Variants in ZC3H12B observed in about 807,000 individuals in gnomAD.
ZC3H12B encodes the protein probable ribonuclease ZC3H12B.
Under a neutral mutation model 43.9 loss-of-function variants are expected in ZC3H12B, and 7 were observed. The ratio of observed to expected loss-of-function variants is 0.16; its 90% CI spans 0.09 to 0.30. The LOEUF (loss-of-function observed/expected upper bound fraction) is 0.30, where lower values mean the gene tolerates loss of function less well. ZC3H12B is among the 10% of genes least tolerant of loss of function. The pLI is 1.00. For missense variants in ZC3H12B, 475 were observed against 670.2 expected (o/e 0.71, Z 3.22); for synonymous variants, 222 against 241.7 (o/e 0.92, Z 0.76).
At chrX:65,154,243 TA>T in the ZC3H12B span, among the ~76,000 whole-genome samples, 3 of 111,469 alleles carry the variant, frequency 2.7e-5, no homozygotes, top group Non-Finnish European at 5.7e-5. Context: ...TAATAAAATT[TA>T]AAAAAATAAA....
chrX:65,453,395 T>TATAA (rs1556223501), intron 3 of ZC3H12B, among the ~76,000 whole-genome samples: 15 of 86,708 alleles, frequency 1.7e-4, no homozygotes, highest in Non-Finnish European at 3.3e-4. Flanking sequence ...TATATATATA[T>TATAA]ATATATATAA....
the ZC3H12B span, among the ~76,000 whole-genome samples, chrX:65,335,177 A>C: frequency 1.4e-4 from 16 of 112,125 alleles, no homozygotes; most frequent in Admixed American, 1.5e-3. Context: ...AGATTTTGAG[A>C]AGGAGCTATC....
chrX:65,239,400 C>CTT, the ZC3H12B span, among the ~76,000 whole-genome samples: 3 of 103,821 alleles, frequency 2.9e-5, no homozygotes, highest in Admixed American at 3.1e-4. Flanking sequence ...AACACCTGCT[C>CTT]TTTTTTTTTT....
the ZC3H12B span, among the ~76,000 whole-genome samples, chrX:65,151,480 G>C: frequency 8.9e-6 from 1 of 111,767 alleles, no homozygotes; most frequent in African/African-American, 3.2e-5. Flanking sequence ...CTAATAGCAA[G>C]AAATAAGTTT....
the ZC3H12B span, among the ~76,000 whole-genome samples, chrX:65,230,024 C>T: frequency 9.0e-6 from 1 of 111,339 alleles, no homozygotes; most frequent in Admixed American, 9.5e-5. Flanking sequence ...ACCCAGCCAT[C>T]CCATTACTGG....
Position 65,501,839 on chromosome X carries a change from GCCAA to G in ZC3H12B, c.1148_1151del (p.Gln383ProfsTer18). On this transcript the variant is annotated frameshift_variant, in exon 5 of 5. Transcript: ENST00000338957. LOFTEE classifies it high-confidence loss of function. ...GTGCAAATACTACCATCCGGAGCGG[GCCAA>G]CCAACCCCAGCGTTCGGTGGCTGAT... The G allele has an allele frequency of 8.3e-7, 1 of 1,198,407 alleles. No individual in the cohort carries two copies. The highest frequency in any genetic ancestry group is 1.1e-6 in the Non-Finnish European group (1 of 888,414).
At chrX:65,072,027 A>G in the ZC3H12B span, among the ~76,000 whole-genome samples, 1 of 112,018 alleles carries the variant, frequency 8.9e-6, no homozygotes, top group East Asian at 2.8e-4. Flanking sequence ...GTTCTCATGG[A>G]TGATATCTTG....
intron 3 of ZC3H12B, among the ~76,000 whole-genome samples, chrX:65,467,182 T>C (rs1382316763): frequency 1.9e-5 from 2 of 106,863 alleles, no homozygotes; most frequent in Non-Finnish European, 3.9e-5. Context: ...CTCCCACTTA[T>C]AAGTGAGAAG....
intron 3 of ZC3H12B, among the ~76,000 whole-genome samples, chrX:65,418,120 C>T (rs2066981049): frequency 1.8e-5 from 2 of 111,416 alleles, no homozygotes; most frequent in African/African-American, 6.5e-5. Context: ...TATTTTAATA[C>T]AAAGAAGCTA....
chrX:65,378,098 C>CA (rs61203206), intron 2 of ZC3H12B, among the ~76,000 whole-genome samples: 125 of 94,626 alleles, frequency 1.3e-3, no homozygotes, highest in African/African-American at 2.9e-3. Flanking sequence ...GACTCCATCT[C>CA]AAAAAAAAAA....
chrX:65,150,201 G>A, the ZC3H12B span, among the ~76,000 whole-genome samples: 15 of 109,871 alleles, frequency 1.4e-4, no homozygotes, highest in Non-Finnish European at 2.5e-4. Flanking sequence ...TTGCACTATG[G>A]CTACTGAACA....
At chrX:65,114,750 A>G in the ZC3H12B span, among the ~76,000 whole-genome samples, 1 of 109,481 alleles carries the variant, frequency 9.1e-6, no homozygotes, top group Non-Finnish European at 1.9e-5. Flanking sequence ...GATTTATCTG[A>G]TTTTATTTAC....
At chrX:65,205,624 G>C in the ZC3H12B span, among the ~76,000 whole-genome samples, 1 of 111,465 alleles carries the variant, frequency 9.0e-6, no homozygotes, top group East Asian at 2.8e-4. Context: ...AACAAGACAA[G>C]GATGCCTACT....
the ZC3H12B span, among the ~76,000 whole-genome samples, chrX:65,220,598 A>T: frequency 3.6e-5 from 4 of 112,125 alleles, no homozygotes; most frequent in Non-Finnish European, 7.5e-5. Context: ...GATAAAAAAG[A>T]CATAGAGGGA....
chrX:65,380,354 A>T (rs1234885454), intron 2 of ZC3H12B, among the ~76,000 whole-genome samples: 2 of 111,701 alleles, frequency 1.8e-5, no homozygotes, highest in Non-Finnish European at 1.9e-5. Context: ...ATCCAGCCAA[A>T]CTAAGCTTCA....
chrX:65,115,825 A>G, the ZC3H12B span, among the ~76,000 whole-genome samples: 1 of 111,434 alleles, frequency 9.0e-6, no homozygotes, highest in African/African-American at 3.3e-5. Context: ...GCATTTTTCC[A>G]TATGCTTTTT....
the ZC3H12B span, among the ~76,000 whole-genome samples, chrX:65,256,121 A>G: frequency 1.8e-5 from 2 of 112,141 alleles, no homozygotes; most frequent in Non-Finnish European, 3.8e-5. Context: ...AATATTAGAC[A>G]GATAATTGAG....
chrX:65,235,687 CATG>C, the ZC3H12B span, among the ~76,000 whole-genome samples: 2 of 111,571 alleles, frequency 1.8e-5, no homozygotes, highest in East Asian at 5.7e-4. Context: ...ATCAGGGAAA[CATG>C]GTGGTGCCCC....
intron 2 of ZC3H12B, among the ~76,000 whole-genome samples, chrX:65,385,257 G>A (rs1307622809): frequency 1.8e-5 from 2 of 111,872 alleles, no homozygotes; most frequent in African/African-American, 3.3e-5. Flanking sequence ...CCATTTTCAC[G>A]ATTTTGATTC....
Sources: allele counts gnomAD v4.1 joint callset (sites outside exome capture counted in the v4.1 genomes callset), GRCh38; gene constraint gnomAD v4.1.1; transcripts MANE v1.5; gene names NCBI Gene and HGNC (gene_info 2026-07-23, HGNC 2026-07-21).